DESI1: variants seen among roughly 807,000 people sequenced by gnomAD.
DESI1 encodes the protein desumoylating isopeptidase 1.
Under a neutral mutation model 22.4 loss-of-function variants are expected in DESI1, and 17 were observed. The ratio of observed to expected loss-of-function variants is 0.76; its 90% CI spans 0.52 to 1.14. The LOEUF (loss-of-function observed/expected upper bound fraction) is 1.14, where lower values mean the gene tolerates loss of function less well. Ranked by LOEUF, DESI1 falls within the 50% of genes most tolerant of loss-of-function variation. The pLI, the probability that DESI1 is intolerant of heterozygous loss-of-function variation, is 0.00. For missense variants in DESI1, 177 were observed against 208.9 expected (o/e 0.85, Z 0.94); for synonymous variants, 92 against 84.2 (o/e 1.09, Z -0.51).
intron 2 of DESI1, among the ~76,000 whole-genome samples, chr22:41,607,540 TTC>T (rs1171575717): frequency 6.6e-6 from 1 of 152,196 alleles, no homozygotes; most frequent in African/African-American, 2.4e-5. Flanking sequence ...GGCTGGATAC[TTC>T]TTTGTTGTGT....
intron 3 of DESI1, among the ~76,000 whole-genome samples, chr22:41,605,908 G>A (rs1458254763): frequency 1.3e-5 from 2 of 152,188 alleles, no homozygotes; most frequent in African/African-American, 2.4e-5. Context: ...GAAGGATGGA[G>A]AGGCGTAACC....
In DESI1 at chr22:41,599,325, G is replaced by T. The variant is rs2067437112; in HGVS notation, c.*1772C>A. 1 of 152,120 alleles carries T rather than the reference G, an allele frequency of 6.6e-6. No homozygotes were observed. Among genetic ancestry groups the T allele is most frequent in the Non-Finnish European group, 1.5e-5 (1 of 68,032 alleles). The allele number at this position is 152,120 out of a possible 1,614,324, so 9.4% of individuals were successfully genotyped here. A position where few individuals can be genotyped will look rare whatever the true frequency, so the allele number is the denominator to read the frequency against. On this transcript the variant is annotated 3_prime_UTR_variant, in exon 6 of 6. Transcript: ENST00000263256. ...ACTTTCCCAAAATCTAACTAATGGAGGTTCATGTGAAGAGAGGGAATCTGA... is the reference window on the plus strand; with the variant it reads ...ACTTTCCCAAAATCTAACTAATGGATGTTCATGTGAAGAGAGGGAATCTGA...
chr22:41,601,739 G>C (rs897716957), intron 5 of DESI1, among the ~76,000 whole-genome samples: 2 of 152,180 alleles, frequency 1.3e-5, no homozygotes, highest in Non-Finnish European at 2.9e-5. Context: ...CCCCGAGACA[G>C]AGTCTACCTC....
Position 41,620,900 on chromosome 22 carries a change from TCCCGTACCCGACGGGAGTGCGAA to T in DESI1, c.-84_-62del. 1 of 1,480,036 alleles carries T rather than the reference TCCCGTACCCGACGGGAGTGCGAA, an allele frequency of 6.8e-7. No individual in the cohort carries two copies. Among genetic ancestry groups the T allele is most frequent in the South Asian group, 1.2e-5 (1 of 84,744 alleles). The allele number at this position is 1,480,036 out of a possible 1,614,324, so 91.7% of individuals were successfully genotyped here. A position where few individuals can be genotyped will look rare whatever the true frequency, so the allele number is the denominator to read the frequency against. On this transcript the variant is annotated 5_prime_UTR_variant, in exon 1 of 6. Transcript: ENST00000263256. ...GGGCACCCGGCAGCGGCTTGGACCT[TCCCGTACCCGACGGGAGTGCGAA>T]GCGGAGGGAGAGGGGGGGACCGAGC...
At chr22:41,609,665 G>A (rs540336411) in intron 1 of DESI1, among the ~76,000 whole-genome samples, 2 of 152,092 alleles carry the variant, frequency 1.3e-5, no homozygotes, top group East Asian at 3.9e-4. Flanking sequence ...GGGTGTGGTG[G>A]CATGCACCTG....
chr22:41,612,514 G>GA (rs132766), intron 1 of DESI1, among the ~76,000 whole-genome samples: 95,075 of 134,260 alleles, frequency 0.71, 33,885 homozygotes, highest in East Asian at 0.91. Context: ...CTCAAAAAAA[G>GA]AAAAAAAAAA....
chr22:41,613,395 T>A (rs2067529928), intron 1 of DESI1, among the ~76,000 whole-genome samples: 1 of 152,252 alleles, frequency 6.6e-6, no homozygotes, highest in Non-Finnish European at 1.5e-5. Context: ...TCATTTCTTC[T>A]AGGGTTTATA....
At position 41,598,838 on chromosome 22, in the gene DESI1, C is replaced by T. The variant is rs942502006; in HGVS notation, c.*2259G>A. The stretch of plus-strand genomic sequence containing the variant: ...AAACCCAGCCTCAGAAATTCTTTCT[C>T]TTTGGGCCCAATTCTGCTAGTAGAT... On this transcript the variant is annotated 3_prime_UTR_variant, in exon 6 of 6. Coordinates refer to ENST00000263256, the MANE Select transcript of DESI1 (RefSeq NM_015704.3). 2.6e-5 allele frequency: 4 copies of T among 152,346 alleles called. No individual in the cohort carries two copies. Among genetic ancestry groups the T allele is most frequent in the Non-Finnish European group, 5.9e-5 (4 of 68,126 alleles). 9.4% of individuals were successfully genotyped at this position (152,346 alleles called of 1,614,324 possible). A position where few individuals can be genotyped will look rare whatever the true frequency, so the allele number is the denominator to read the frequency against.
At chr22:41,604,847 AG>A (rs1310297576) in intron 3 of DESI1, among the ~76,000 whole-genome samples, 1 of 152,160 alleles carries the variant, frequency 6.6e-6, no homozygotes, top group African/African-American at 2.4e-5. Flanking sequence ...AGGTTGGACA[AG>A]CTTGGCTTAG....
At chr22:41,602,505 C>G (rs2067454832) in intron 5 of DESI1, 2 of 985,470 alleles carry the variant, frequency 2.0e-6, no homozygotes, top group Non-Finnish European at 2.4e-6. Flanking sequence ...GCCCACCTTG[C>G]TGGGCCTGCG....
intron 1 of DESI1, among the ~76,000 whole-genome samples, chr22:41,608,976 C>G (rs1335146661): frequency 6.6e-6 from 1 of 152,130 alleles, no homozygotes; most frequent in African/African-American, 2.4e-5. Context: ...CAGAGTCTCT[C>G]TGTTGCCCAG....
chr22:41,609,171 G>A (rs577073791), intron 1 of DESI1, among the ~76,000 whole-genome samples: 33 of 152,086 alleles, frequency 2.2e-4, no homozygotes, highest in Non-Finnish European at 4.6e-4. Flanking sequence ...CGAACTCCTC[G>A]CCTCAAGTGA....
chr22:41,613,096 A>C (rs1457503106), intron 1 of DESI1, among the ~76,000 whole-genome samples: 4 of 152,180 alleles, frequency 2.6e-5, no homozygotes, highest in African/African-American at 9.7e-5. Flanking sequence ...GTGGCTATTT[A>C]AGTTAAATAA....
chr22:41,613,676 T>C (rs1366452942), intron 1 of DESI1, among the ~76,000 whole-genome samples: 6 of 152,230 alleles, frequency 3.9e-5, no homozygotes, highest in African/African-American at 1.2e-4. Flanking sequence ...GGCTTGTTAT[T>C]GCAATGACTC....
intron 3 of DESI1, 91 bp downstream of exon 3, chr22:41,607,171 C>A: frequency 8.0e-7 from 1 of 1,257,336 alleles, no homozygotes; most frequent in Non-Finnish European, 1.1e-6. Flanking sequence ...AGGAACAATG[C>A]CAGAAGTCCA....
intron 3 of DESI1, 96 bp from the exon 4 acceptor site, chr22:41,604,249 A>AATTT: frequency 2.0e-6 from 1 of 496,622 alleles, no homozygotes; most frequent in Non-Finnish European, 3.1e-6. Context: ...CTCTGTTCTG[A>AATTT]CTTTTTTTTT....
intron 1 of DESI1, 37 bp from the exon 2 acceptor site, chr22:41,607,898 A>C (rs2067492321): frequency 6.2e-7 from 1 of 1,612,862 alleles, no homozygotes; most frequent in African/African-American, 1.3e-5. Flanking sequence ...ACTTGGGACT[A>C]GAATAAGTGG....
rs1283593167 is a variant in DESI1, at chr22:41,610,334, G to A, written c.89-2473C>T. On this transcript the variant is annotated intron_variant, in intron 1 of 5. Coordinates refer to ENST00000263256, the MANE Select transcript of DESI1 (RefSeq NM_015704.3). ...GTGGAGGTTGCAGTGAGCCGAGATC[G>A]TGCCACTACTGTACTCCAGCCTGGG... 3.3e-5 allele frequency among the ~76,000 whole-genome samples: 5 copies of A among 150,886 alleles called. No homozygotes were observed. The East Asian group carries it at 5.9e-4, about 18-fold the overall frequency.
rs979984721 is a variant in DESI1 at position 41,600,891 on chromosome 22, A to G, written c.*206T>C. 5.3e-6 allele frequency: 3 copies of G among 566,078 alleles called. No homozygotes were observed. Among genetic ancestry groups the G allele is most frequent in the South Asian group, 2.0e-5 (1 of 48,784 alleles). 35.1% of individuals were successfully genotyped at this position (566,078 alleles called of 1,614,324 possible). On this transcript the variant is annotated 3_prime_UTR_variant, in exon 6 of 6. Transcript: ENST00000263256. ...CAAGACAGCCTTAATAAATTAGTATAATACTATTAGAAGGGGTGGCATTTT... is the reference window on the plus strand; with the variant it reads ...CAAGACAGCCTTAATAAATTAGTATGATACTATTAGAAGGGGTGGCATTTT...
Sources: gnomAD v4.1 joint callset for allele counts (sites outside exome capture counted in the v4.1 genomes callset) on GRCh38, gnomAD v4.1.1 for gene constraint, MANE v1.5 for transcripts, NCBI Gene and HGNC (gene_info 2026-07-23, HGNC 2026-07-21) for gene names.